The following SNTG2 variants were observed in gnomAD, a reference collection of about 807,000 sequenced individuals.
SNTG2 encodes gamma-2-syntrophin.
A neutral mutation model predicts 70.9 loss-of-function variants in SNTG2; 74 were observed. The observed-to-expected ratio is 1.04, with a 90% CI of 0.86 to 1.27. SNTG2 has a LOEUF of 1.27. SNTG2 is among the 50% of genes most tolerant of loss of function. The pLI is 0.00. For synonymous variants in SNTG2, 278 were observed against 273.8 expected (o/e 1.02, Z -0.15); for missense variants, 717 against 690.7 (o/e 1.04, Z -0.43).
At chr2:977,279 G>T (rs1660937091) in intron 1 of SNTG2, among the ~76,000 whole-genome samples, 1 of 152,168 alleles carries the variant, frequency 6.6e-6, no homozygotes, top group Admixed American at 6.5e-5. Context: ...TGGCTTATTT[G>T]CCCTGCGTTA....
chr2:1,141,391 A>G (rs1235991039), intron 6 of SNTG2, among the ~76,000 whole-genome samples: 1 of 152,224 alleles, frequency 6.6e-6, no homozygotes, highest in Non-Finnish European at 1.5e-5. Flanking sequence ...GTGTGCTAAC[A>G]GCTAGAAACT....
chr2:1,245,545 A>C (rs1432882949), intron 11 of SNTG2, among the ~76,000 whole-genome samples: 1 of 152,236 alleles, frequency 6.6e-6, no homozygotes, highest in Non-Finnish European at 1.5e-5. Flanking sequence ...AGTGAGCTGG[A>C]ATTAATCACG....
At chr2:980,558 A>T (rs1448134575) in intron 1 of SNTG2, among the ~76,000 whole-genome samples, 1 of 152,180 alleles carries the variant, frequency 6.6e-6, no homozygotes, top group East Asian at 1.9e-4. Flanking sequence ...CACTTATTTT[A>T]CCAAGAATAC....
chr2:1,140,311 C>T (rs1668661689), intron 6 of SNTG2, among the ~76,000 whole-genome samples: 1 of 152,230 alleles, frequency 6.6e-6, no homozygotes, highest in Admixed American at 6.5e-5. Flanking sequence ...TACATCTATG[C>T]ATTTTCATCC....
intron 6 of SNTG2, among the ~76,000 whole-genome samples, chr2:1,152,187 C>T (rs918917994): frequency 5.9e-5 from 9 of 152,146 alleles, no homozygotes; most frequent in African/African-American, 1.9e-4. Flanking sequence ...TGTCCACTCT[C>T]GAATTGTGTG....
chr2:1,134,043 T>C (rs1668196200), intron 4 of SNTG2, among the ~76,000 whole-genome samples: 1 of 152,002 alleles, frequency 6.6e-6, no homozygotes, highest in South Asian at 2.1e-4. Context: ...TGCAGACCTT[T>C]GTGGTGAGTG....
At position 1,364,452 on chromosome 2, in the gene SNTG2, T is replaced by C. The variant is rs1225243253; in HGVS notation, c.1489-2891T>C. 2.6e-5 allele frequency among the ~76,000 whole-genome samples: 4 copies of C among 152,174 alleles called. No individual in the cohort carries two copies. The East Asian group carries it at 7.7e-4, about 29-fold the overall frequency. On this transcript the variant is annotated intron_variant, in intron 16 of 16. Coordinates refer to ENST00000308624, the MANE Select transcript of SNTG2 (RefSeq NM_018968.4). Reference sequence around the variant, plus strand: ...GGAACTTGTAAAGCAATTTTCAGTTTCTATGTATAAAACCAAAACCCTGGC... The same window carrying C: ...GGAACTTGTAAAGCAATTTTCAGTTCCTATGTATAAAACCAAAACCCTGGC...
chr2:1,156,017 G>A (rs555104481), intron 6 of SNTG2, among the ~76,000 whole-genome samples: 33 of 152,280 alleles, frequency 2.2e-4, no homozygotes, highest in Admixed American at 2.0e-3. Context: ...GCAGACAAAG[G>A]AACCCCGCCG....
intron 16 of SNTG2, among the ~76,000 whole-genome samples, chr2:1,326,013 A>G (rs1479946547): frequency 2.0e-5 from 3 of 151,958 alleles, no homozygotes; most frequent in Non-Finnish European, 2.9e-5. Context: ...TTATATTTTT[A>G]GTAGAGATGG....
At chr2:1,254,768 T>C (rs1677952348) in intron 12 of SNTG2, among the ~76,000 whole-genome samples, 1 of 152,180 alleles carries the variant, frequency 6.6e-6, no homozygotes, top group Admixed American at 6.5e-5. Context: ...AAAACCATAG[T>C]GATGATATAT....
At chr2:1,245,715 A>C (rs28597776) in intron 11 of SNTG2, among the ~76,000 whole-genome samples, 31,780 of 152,202 alleles carry the variant, frequency 0.21, 4,522 homozygotes, top group African/African-American at 0.4. Context: ...AAAAAAGGAA[A>C]AAATCTATTA....
chr2:978,695 C>A (rs1660993633), intron 1 of SNTG2, among the ~76,000 whole-genome samples: 1 of 152,068 alleles, frequency 6.6e-6, no homozygotes, highest in African/African-American at 2.4e-5. Context: ...TATTTTCTGA[C>A]CTATGAGGAT....
chr2:1,221,995 GTCTCTGTC>G lies in SNTG2; in HGVS notation c.719+12771_719+12778del, dbSNP rs1675072982. 9.4e-4 allele frequency among the ~76,000 whole-genome samples: 2 copies of G among 2,120 alleles called. 1 individual carries two copies. The highest frequency in any genetic ancestry group is 0.053 in the East Asian group (2 of 38). The allele number at this position is 2,120 out of a possible 152,430, so 1.4% of individuals were successfully genotyped here. A position where few individuals can be genotyped will look rare whatever the true frequency, so the allele number is the denominator to read the frequency against. ...TCTGTCTCTGTCTCTCTCTGTCTCT[GTCTCTGTC>G]TCTCTCTGTCTCTCTCTGTCTCTGC... On this transcript the variant is annotated intron_variant, in intron 9 of 16. Transcript: ENST00000308624.
At chr2:1,225,846 G>A (rs560827069) in intron 9 of SNTG2, among the ~76,000 whole-genome samples, 9 of 152,260 alleles carry the variant, frequency 5.9e-5, no homozygotes, top group South Asian at 2.1e-4. Flanking sequence ...TTTGACTCAG[G>A]AGGTGCAGCC....
At chr2:1,290,291 G>C (rs1399074145) in intron 14 of SNTG2, among the ~76,000 whole-genome samples, 1 of 151,258 alleles carries the variant, frequency 6.6e-6, no homozygotes, top group Non-Finnish European at 1.5e-5. Context: ...GGACAGAGAG[G>C]GAGCATGAAG....
Position 1,069,499 on chromosome 2 carries a change from AAAAC to A in SNTG2, c.73-14015_73-14012del, listed in dbSNP as rs542172463. 2.1e-3 allele frequency among the ~76,000 whole-genome samples: 321 copies of A among 151,998 alleles called. 1 individual carries two copies. Among genetic ancestry groups the A allele is most frequent in the African/African-American group, 7.2e-3 (300 of 41,474 alleles). ...ATCCACTGAGGCTAGGAAAAAAAAA[AAAAC>A]AAAAACAGGCTGGGCGCAGTGGCTC... On this transcript the variant is annotated intron_variant, in intron 1 of 16. Transcript: ENST00000308624.
intron 1 of SNTG2, among the ~76,000 whole-genome samples, chr2:1,044,504 C>T (rs376666654): frequency 9.2e-5 from 14 of 152,256 alleles, no homozygotes; most frequent in African/African-American, 3.4e-4. Flanking sequence ...TTTGCTCATT[C>T]AGTGTGTTGT....
chr2:1,005,859 A>G (rs1456754375), intron 1 of SNTG2, among the ~76,000 whole-genome samples: 22 of 24,066 alleles, frequency 9.1e-4, no homozygotes, highest in African/African-American at 3.3e-3. Flanking sequence ...ATATATATAT[A>G]TATATATATA....
rs1306859954 is a variant in SNTG2 at position 1,158,986 on chromosome 2, G to C, written c.412-6562G>C. Among the ~76,000 whole-genome samples, 4 of 152,256 alleles carry C rather than the reference G, an allele frequency of 2.6e-5. No individual in the cohort carries two copies. The East Asian group carries it at 7.7e-4, about 29-fold the overall frequency. On this transcript the variant is annotated intron_variant, in intron 6 of 16. Coordinates refer to ENST00000308624, the MANE Select transcript of SNTG2 (RefSeq NM_018968.4). ...GGGGCGTATGGCAGATCGTAGAGGA[G>C]AGGAAGTCAGCTTGTGGATGTCCGT...
Sources: allele counts gnomAD v4.1 joint callset (sites outside exome capture counted in the v4.1 genomes callset), GRCh38; gene constraint gnomAD v4.1.1; transcripts MANE v1.5; gene names NCBI Gene and HGNC (gene_info 2026-07-23, HGNC 2026-07-21).